The following BAZ2B variants were observed in gnomAD, a reference collection of about 807,000 sequenced individuals.
BAZ2B encodes bromodomain adjacent to zinc finger domain 2B.
In BAZ2B, 91 loss-of-function variants were observed where a neutral mutation model predicts 246.0. The ratio of observed to expected loss-of-function variants is 0.37; its 90% CI spans 0.31 to 0.44. BAZ2B has a LOEUF of 0.44. Ranked by LOEUF, BAZ2B falls within the 20% of genes least tolerant of loss-of-function variation. BAZ2B has a pLI of 1.00. For missense variants in BAZ2B, 2,332 were observed against 2,533.7 expected, an observed-to-expected ratio of 0.92 and a Z score of 1.71; for synonymous variants, 855 against 860.0, an observed-to-expected ratio of 0.99 and a Z score of 0.10.
chr2:159,429,083 A>G (rs1009191342), intron 11 of BAZ2B, 117 bp downstream of exon 11: 23 of 643,318 alleles, frequency 3.6e-5, no homozygotes, highest in Non-Finnish European at 5.3e-5. Context: ...TGCTCTAATA[A>G]ATACTATGCA....
intron 3 of BAZ2B, among the ~76,000 whole-genome samples, chr2:159,476,288 A>G (rs2078540783): frequency 6.6e-6 from 1 of 152,170 alleles, no homozygotes; most frequent in South Asian, 2.1e-4. Flanking sequence ...CTACAAAATG[A>G]AAAAAACTCA....
intron 27 of BAZ2B, among the ~76,000 whole-genome samples, chr2:159,362,012 G>A (rs1169126893): frequency 6.6e-6 from 1 of 152,052 alleles, no homozygotes; most frequent in Non-Finnish European, 1.5e-5. Context: ...TGTAGATGAC[G>A]GGTTGATGGG....
At position 159,325,798 on chromosome 2, in the gene BAZ2B, T is replaced by C. The variant is rs750412559; in HGVS notation, c.6064A>G (p.Thr2022Ala). Residue 2022 changes from threonine (T) to alanine (A), a missense_variant, in exon 35 of 37, where the codon ACA (threonine) becomes GCA (alanine). Transcript: ENST00000392783. Reference protein sequence around the residue: ...GDTEDEDSASTSSSLKRGNKD... With the variant: ...GDTEDEDSASASSSLKRGNKD... ...TTTCCTCTTTTTAGTGAACTACTTG[T>C]AGATGCAGAGTCTTCATCTTCAGTA... 2.5e-5 allele frequency: 41 copies of C among 1,609,928 alleles called. No individual in the cohort carries two copies. The Admixed American group carries it at 6.7e-4, about 26-fold the overall frequency.
rs1177425430 is a variant in BAZ2B, at chr2:159,320,226, C to T, written c.*39G>A. 2 of 1,473,758 alleles carry T rather than the reference C, an allele frequency of 1.4e-6. No individual in the cohort carries two copies. The highest frequency in any genetic ancestry group is 1.5e-5 in the South Asian group (1 of 67,284). The allele number at this position is 1,473,758 out of a possible 1,614,324, so 91.3% of individuals were successfully genotyped here. A position where few individuals can be genotyped will look rare whatever the true frequency, so the allele number is the denominator to read the frequency against. On this transcript the variant is annotated 3_prime_UTR_variant, in exon 37 of 37. Transcript: ENST00000392783. ...GTTCACATTGCTGGTCTCATTTGTC[C>T]TTGTTTAGAAGGAAAAAAATAAAGA...
chr2:159,345,638 G>C (rs1021595005), intron 31 of BAZ2B, among the ~76,000 whole-genome samples: 4 of 152,158 alleles, frequency 2.6e-5, no homozygotes, highest in Admixed American at 2.6e-4. Flanking sequence ...TTAAAAGCCT[G>C]ATGATACACT....
At chr2:159,613,274 T>C (rs1031936383) in intron 1 of BAZ2B, among the ~76,000 whole-genome samples, 2 of 152,098 alleles carry the variant, frequency 1.3e-5, no homozygotes, top group African/African-American at 4.8e-5. Context: ...TATTTTTTCA[T>C]TAGTGTTTGT....
In BAZ2B at chr2:159,348,752, C is replaced by T. The variant is rs138750936; in HGVS notation, c.5219G>A (p.Arg1740Lys). Reference protein sequence around the residue: ...LLKVLHLRGIREKALQKQIQK... With the variant: ...LLKVLHLRGIKEKALQKQIQK... ...AATTTGTTTTTGTAATGCCTTTTCT[C>T]TTATTCCTCTGAGATGCAGCACTTT... is the stretch of plus-strand genomic sequence containing the variant. Residue 1740 changes from arginine to lysine, a missense_variant, in exon 30 of 37, where the codon AGA becomes AAA. By Grantham distance (26) the Arg-to-Lys change is conservative. Coordinates refer to ENST00000392783, the MANE Select transcript of BAZ2B (RefSeq NM_013450.4). The T allele has an allele frequency of 6.2e-7, 1 of 1,613,378 alleles. No homozygotes were observed. Among genetic ancestry groups the T allele is most frequent in the East Asian group, 2.2e-5 (1 of 44,810 alleles).
At chr2:159,529,153 C>T (rs1012436459) in intron 2 of BAZ2B, among the ~76,000 whole-genome samples, 2 of 151,742 alleles carry the variant, frequency 1.3e-5, no homozygotes, top group East Asian at 1.9e-4. Flanking sequence ...ATAAATAAAA[C>T]AAAACCTTTT....
intron 25 of BAZ2B, among the ~76,000 whole-genome samples, chr2:159,379,534 T>C (rs540360086): frequency 6.6e-6 from 1 of 152,310 alleles, no homozygotes; most frequent in South Asian, 2.1e-4. Flanking sequence ...TTCATTCTAA[T>C]AAATTTTACC....
intron 2 of BAZ2B, among the ~76,000 whole-genome samples, chr2:159,486,719 A>ATTTATGT (rs1160321380): frequency 9.2e-5 from 14 of 151,918 alleles, no homozygotes; most frequent in African/African-American, 3.1e-4. Context: ...CACATTGGTA[A>ATTTATGT]ATGTATACAT....
At chr2:159,635,045 A>G in the BAZ2B span, among the ~76,000 whole-genome samples, 1 of 152,218 alleles carries the variant, frequency 6.6e-6, no homozygotes, top group Admixed American at 6.5e-5. Context: ...TAGTATGGCT[A>G]AAGTCTAGGA....
intron 31 of BAZ2B, among the ~76,000 whole-genome samples, chr2:159,338,345 A>T (rs2066016822): frequency 6.6e-6 from 1 of 152,212 alleles, no homozygotes; most frequent in African/African-American, 2.4e-5. Flanking sequence ...TCAGGAGCTA[A>T]GTCCCTCTCT....
downstream of BAZ2B, among the ~76,000 whole-genome samples, chr2:159,316,891 C>T (rs2148676906): frequency 6.6e-6 from 1 of 151,818 alleles, no homozygotes; most frequent in Non-Finnish European, 1.5e-5. Flanking sequence ...GTCCCAACTA[C>T]TCAGGAGGCT....
chr2:159,701,559 T>C, the BAZ2B span, among the ~76,000 whole-genome samples: 3 of 150,718 alleles, frequency 2.0e-5, no homozygotes, highest in African/African-American at 7.3e-5. Context: ...ATTAAAAATG[T>C]ACAATGTATT....
At chr2:159,700,462 T>A in the BAZ2B span, among the ~76,000 whole-genome samples, 5 of 151,092 alleles carry the variant, frequency 3.3e-5, no homozygotes, top group Admixed American at 3.3e-4. Flanking sequence ...TGTTTGTTTT[T>A]GAGACAGAGT....
chr2:159,596,670 T>G (rs1367636351), intron 1 of BAZ2B, among the ~76,000 whole-genome samples: 3 of 152,196 alleles, frequency 2.0e-5, no homozygotes, highest in Non-Finnish European at 4.4e-5. Flanking sequence ...CTTTTATCCC[T>G]CAGCCCCACT....
intron 2 of BAZ2B, among the ~76,000 whole-genome samples, chr2:159,491,589 C>T (rs1434542077): frequency 6.7e-6 from 1 of 148,448 alleles, no homozygotes; most frequent in South Asian, 2.2e-4. Context: ...GGCGTAGTGG[C>T]GGGCGCCTGT....
In BAZ2B at chr2:159,320,327, C is replaced by T. The variant is rs1179324627; in HGVS notation, c.6445G>A (p.Ala2149Thr). 2 of 1,582,084 alleles carry T rather than the reference C, an allele frequency of 1.3e-6. No homozygotes were observed. The highest frequency in any genetic ancestry group is 8.5e-7 in the Non-Finnish European group (1 of 1,171,974). The stretch of plus-strand genomic sequence containing the variant: ...AAATACTTCCTCATATTGTGGCCAG[C>T]TCTGCCTATATCAGAATCATCTTCA... ...FNEDDSDIGR[A>T]GHNMRKYFEK... Residue 2149 changes from alanine (A) to threonine (T), a missense_variant, in exon 37 of 37, where the codon GCT becomes ACT. Transcript: ENST00000392783.
rs758803951 is a variant in BAZ2B, at chr2:159,439,014, T to G, written c.895A>C (p.Asn299His). Residue 299 changes from asparagine (N) to histidine (H), a missense_variant, in exon 7 of 37, where the codon AAC (asparagine) becomes CAC (histidine). Physicochemically the swap from Asn to His is moderately conservative, Grantham distance 68. Transcript: ENST00000392783. The part of the protein sequence containing the change: ...SESEAQHKSN[N>H]QVLLHGISDP... ...GTCCATGAAAAAAATTATACCTGGTTGTTACTTTTATGTTGTGCTTCACTC... is the reference window on the plus strand; with the variant it reads ...GTCCATGAAAAAAATTATACCTGGTGGTTACTTTTATGTTGTGCTTCACTC... 72 of 1,612,884 alleles carry G rather than the reference T, an allele frequency of 4.5e-5. No homozygotes were observed. The highest frequency in any genetic ancestry group is 5.5e-5 in the Non-Finnish European group (65 of 1,179,770).
Sources: gnomAD v4.1 joint callset for allele counts (sites outside exome capture counted in the v4.1 genomes callset) on GRCh38, gnomAD v4.1.1 for gene constraint, MANE v1.5 for transcripts, NCBI Gene and HGNC (gene_info 2026-07-23, HGNC 2026-07-21) for gene names.